The following PMPCB variants were observed in gnomAD, a reference collection of about 807,000 sequenced individuals.
PMPCB encodes mitochondrial-processing peptidase subunit beta.
Under a neutral mutation model 61.5 loss-of-function variants are expected in PMPCB, and 46 were observed. That is an observed-to-expected ratio of 0.75 (90% CI 0.59 to 0.96). The LOEUF (loss-of-function observed/expected upper bound fraction) is 0.96, where lower values mean the gene tolerates loss of function less well. Among genes scored for constraint, PMPCB ranks in the 40% least tolerant of loss-of-function variants. The probability of loss-of-function intolerance (pLI) is 0.00; values close to 1 mark genes in which losing one functional copy is unlikely to be tolerated. For missense variants in PMPCB, 590 were observed against 602.4 expected (o/e 0.98, Z 0.22); for synonymous variants, 191 against 201.6 (o/e 0.95, Z 0.44).
the PMPCB span, chr7:103,344,237 T>C: frequency 2.7e-6 from 1 of 372,784 alleles, no homozygotes; most frequent in Non-Finnish European, 4.8e-6. Context: ...CTTTCCACCG[T>C]AGGCAAGGAG....
intron 12 of PMPCB, chr7:103,322,875 A>T: frequency 1.9e-6 from 2 of 1,070,616 alleles, no homozygotes; most frequent in Non-Finnish European, 2.7e-6. Flanking sequence ...TAAAATATTT[A>T]TATGTACATA....
At chr7:103,317,555 C>T (rs1026765946), downstream of PMPCB, among the ~76,000 whole-genome samples, 50 of 152,188 alleles carry the variant, frequency 3.3e-4, 2 homozygotes, top group Non-Finnish European at 1.5e-5. Context: ...GCTCATTTCT[C>T]CCCTTCAATC....
intron 12 of PMPCB, chr7:103,323,767 T>A: frequency 1.1e-6 from 1 of 901,834 alleles, no homozygotes. Context: ...TTTCCTTCCC[T>A]TCTAGTATTG....
At chr7:103,304,327 TG>T in intron 5 of PMPCB, 83 bp from the exon 6 acceptor site, 1 of 814,148 alleles carries the variant, frequency 1.2e-6, no homozygotes. Flanking sequence ...GATACAGTTA[TG>T]GTCCAATTTG....
At chr7:103,333,601 A>T (rs1386869646), downstream of PMPCB, among the ~76,000 whole-genome samples, 1 of 152,176 alleles carries the variant, frequency 6.6e-6, no homozygotes, top group Non-Finnish European at 1.5e-5. Flanking sequence ...CTACTATCCA[A>T]AGGAAAATAT....
chr7:103,310,457 A>G lies in PMPCB; in HGVS notation c.1136A>G (p.His379Arg). 6.2e-7 allele frequency: 1 copy of G among 1,603,454 alleles called. No homozygotes were observed. Among genetic ancestry groups the G allele is most frequent in the Non-Finnish European group, 8.5e-7 (1 of 1,176,848 alleles). ...TCATCCACTGTTGCAGACATGCTAC[A>G]TGTTGTTCAAAAAGAATGGTGAGAA... ...CESSTVADML[H>R]VVQKEWMRLC... Residue 379 changes from histidine to arginine, a missense_variant, in exon 9 of 13, where the codon CAT becomes CGT. By Grantham distance (29) the His-to-Arg change is conservative. Coordinates refer to ENST00000249269, the MANE Select transcript of PMPCB (RefSeq NM_004279.3).
the PMPCB span, among the ~76,000 whole-genome samples, chr7:103,338,098 C>T: frequency 6.6e-6 from 1 of 152,066 alleles, no homozygotes; most frequent in East Asian, 1.9e-4. Flanking sequence ...AGATCTCTGT[C>T]TCTACAAAAA....
chr7:103,305,217 GGAA>G (rs1443593640), intron 6 of PMPCB, among the ~76,000 whole-genome samples: 1 of 151,886 alleles, frequency 6.6e-6, no homozygotes, highest in Non-Finnish European at 1.5e-5. Context: ...CTAATTTTTG[GGAA>G]GGAGAAGCAC....
chr7:103,329,774 T>G (rs569110387), downstream of PMPCB, among the ~76,000 whole-genome samples: 43 of 152,374 alleles, frequency 2.8e-4, 1 homozygote, highest in South Asian at 7.9e-3. Context: ...CTAATATATT[T>G]GATCGTAACT....
At chr7:103,321,043 C>A (rs1375315403) in intron 12 of PMPCB, among the ~76,000 whole-genome samples, 1 of 151,124 alleles carries the variant, frequency 6.6e-6, no homozygotes, top group African/African-American at 2.4e-5. Context: ...ACTAAAAATA[C>A]AAAAATTAGC....
chr7:103,308,804 A>T (rs1405344000), intron 7 of PMPCB, 148 bp from the exon 8 acceptor site: 1 of 497,526 alleles, frequency 2.0e-6, no homozygotes, highest in Admixed American at 3.9e-5. Context: ...CAACAATGTA[A>T]TGAGGCCTGA....
chr7:103,344,649 C>G, the PMPCB span: 1 of 1,603,618 alleles, frequency 6.2e-7, no homozygotes, highest in Non-Finnish European at 8.5e-7. Flanking sequence ...GCCCGGTGGG[C>G]GCAGCGGCTC....
chr7:103,325,560 G>T (rs1818661967), intron 12 of PMPCB, among the ~76,000 whole-genome samples: 1 of 151,696 alleles, frequency 6.6e-6, no homozygotes, highest in African/African-American at 2.4e-5. Context: ...CTGCACAGAA[G>T]AATCACCTGG....
At chr7:103,328,561 G>C (rs1016184844) in intron 12 of PMPCB, among the ~76,000 whole-genome samples, 5 of 152,080 alleles carry the variant, frequency 3.3e-5, no homozygotes, top group Non-Finnish European at 7.4e-5. Flanking sequence ...AACCCATGAG[G>C]TGGAGGCTGC....
chr7:103,341,929 A>G, the PMPCB span: 1 of 1,606,590 alleles, frequency 6.2e-7, no homozygotes, highest in Non-Finnish European at 8.5e-7. Flanking sequence ...ATCTTCCCAC[A>G]GGTTCAACTT....
chr7:103,325,315 T>C (rs978341477), intron 12 of PMPCB, among the ~76,000 whole-genome samples: 1 of 152,076 alleles, frequency 6.6e-6, no homozygotes, highest in African/African-American at 2.4e-5. Context: ...CAGATGCCTG[T>C]AGTCCCAGCT....
At chr7:103,347,000 T>C in the PMPCB span, among the ~76,000 whole-genome samples, 1 of 152,250 alleles carries the variant, frequency 6.6e-6, no homozygotes, top group African/African-American at 2.4e-5. Context: ...TTCAGTTCTT[T>C]TGGATACACA....
At chr7:103,320,760 C>CACATATATATATATATATATAT (rs1818349736) in intron 12 of PMPCB, 1 of 89,282 alleles carries the variant, frequency 1.1e-5, no homozygotes, top group African/African-American at 6.2e-5. Flanking sequence ...TATATATATA[C>CACATATATATATATATATATAT]ACATATATAT....
chr7:103,315,767 C>T, downstream of PMPCB: 1 of 1,612,872 alleles, frequency 6.2e-7, no homozygotes, highest in Non-Finnish European at 8.5e-7. Flanking sequence ...AATTTACCTT[C>T]AAATCGTTCT....
Sources: allele counts gnomAD v4.1 joint callset (sites outside exome capture counted in the v4.1 genomes callset), GRCh38; gene constraint gnomAD v4.1.1; transcripts MANE v1.5; gene names NCBI Gene and HGNC (gene_info 2026-07-23, HGNC 2026-07-21).